MAP3K7CL: variants seen among roughly 807,000 people sequenced by gnomAD.
MAP3K7CL encodes the protein MAP3K7 C-terminal-like protein.
MAP3K7CL carries 16 observed loss-of-function variants against 18.6 expected under a neutral mutation model. The observed-to-expected ratio is 0.86, with a 90% CI of 0.58 to 1.31. The LOEUF is 1.31. Ranked by LOEUF, MAP3K7CL falls within the 50% of genes most tolerant of loss-of-function variation. MAP3K7CL has a pLI of 0.00. For synonymous variants in MAP3K7CL, 65 were observed against 66.8 expected, an observed-to-expected ratio of 0.97 and a Z score of 0.13; for missense variants, 163 against 174.4, an observed-to-expected ratio of 0.93 and a Z score of 0.37.
At chr21:29,117,332 T>C (rs1193428191) in intron 4 of MAP3K7CL, among the ~76,000 whole-genome samples, 1 of 152,220 alleles carries the variant, frequency 6.6e-6, no homozygotes, top group Non-Finnish European at 1.5e-5. Flanking sequence ...ACAATGCTAT[T>C]TCTGTATCTC....
intron 4 of MAP3K7CL, among the ~76,000 whole-genome samples, chr21:29,107,429 A>G (rs533387721): frequency 6.6e-6 from 1 of 152,302 alleles, no homozygotes; most frequent in East Asian, 1.9e-4. Context: ...GGCAGCCCAA[A>G]CAAGAGTGAT....
intron 4 of MAP3K7CL, among the ~76,000 whole-genome samples, chr21:29,161,128 G>A (rs1418651032): frequency 1.3e-5 from 2 of 152,180 alleles, no homozygotes; most frequent in Non-Finnish European, 2.9e-5. Context: ...TGGCCAACAT[G>A]GTGAAACCCT....
At chr21:29,113,119 T>C (rs577672436) in intron 4 of MAP3K7CL, among the ~76,000 whole-genome samples, 2 of 152,332 alleles carry the variant, frequency 1.3e-5, no homozygotes, top group East Asian at 3.9e-4. Context: ...CTTATTTTCT[T>C]TTCCTCTTCC....
In MAP3K7CL at chr21:29,105,240, G is replaced by A. The variant is rs376562790; in HGVS notation, c.370+12659G>A. 4.6e-5 allele frequency among the ~76,000 whole-genome samples: 7 copies of A among 152,278 alleles called. No individual in the cohort carries two copies. The East Asian group carries it at 1.2e-3, about 25-fold the overall frequency. On this transcript the variant is annotated intron_variant, in intron 4 of 6. Transcript: ENST00000286791. ...CCTGGGGAATGCTATATTGAAAAAG[G>A]CCTTGCTCTCTGATCTTTCTCAGTC... is the stretch of plus-strand genomic sequence containing the variant.
intron 3 of MAP3K7CL, among the ~76,000 whole-genome samples, chr21:29,155,201 T>C (rs2087371739): frequency 6.6e-6 from 1 of 152,180 alleles, no homozygotes; most frequent in African/African-American, 2.4e-5. Flanking sequence ...CTTGTTAATT[T>C]TAAGACATTA....
Position 29,174,858 on chromosome 21 carries a change from G to C in MAP3K7CL, c.395G>C (p.Arg132Pro). The C allele has an allele frequency of 6.2e-7, 1 of 1,614,074 alleles. No homozygotes were observed. The highest frequency in any genetic ancestry group is 8.5e-7 in the Non-Finnish European group (1 of 1,179,998). The change falls in exon 5 of 5, where the codon CGA (arginine) becomes CCA (proline). Residue 132 changes from arginine to proline, a missense_variant. By Grantham distance (103) the Arg-to-Pro change is moderately radical. Transcript: ENST00000399928. Reference sequence around the variant, plus strand: ...TGTGTGGAACAACTGGAGAAACTTCGAATACAGTATCAGAAGAGGCAGGGC... The same window carrying C: ...TGTGTGGAACAACTGGAGAAACTTCCAATACAGTATCAGAAGAGGCAGGGC... ...SQCVEQLEKL[R>P]IQYQKRQGSS
upstream of MAP3K7CL, among the ~76,000 whole-genome samples, chr21:29,081,137 ATATTT>A (rs2085828179): frequency 2.6e-5 from 4 of 152,332 alleles, no homozygotes; most frequent in South Asian, 8.3e-4. Context: ...TCTCAGGCTT[ATATTT>A]TGAGATAAAT....
chr21:29,117,200 C>T (rs2086517918), intron 4 of MAP3K7CL, among the ~76,000 whole-genome samples: 2 of 151,954 alleles, frequency 1.3e-5, no homozygotes, highest in Non-Finnish European at 2.9e-5. Context: ...ATCTCCTGTC[C>T]TTCACTAGAA....
At chr21:29,102,306 C>T (rs2086243659) in intron 4 of MAP3K7CL, among the ~76,000 whole-genome samples, 1 of 152,044 alleles carries the variant, frequency 6.6e-6, no homozygotes, top group Admixed American at 6.6e-5. Context: ...AACAAAGAGG[C>T]CGTTCTTGGA....
chr21:29,136,030 C>T (rs1276575082), intron 2 of MAP3K7CL, among the ~76,000 whole-genome samples: 2 of 152,156 alleles, frequency 1.3e-5, no homozygotes, highest in African/African-American at 2.4e-5. Context: ...ATTGAAAACA[C>T]GTGTTCTAAG....
chr21:29,157,699 C>A (rs2087441002), intron 3 of MAP3K7CL, among the ~76,000 whole-genome samples: 1 of 152,154 alleles, frequency 6.6e-6, no homozygotes, highest in African/African-American at 2.4e-5. Context: ...ATAACAACAT[C>A]TTGAATTTCC....
At chr21:29,115,742 A>G (rs1450880646) in intron 4 of MAP3K7CL, among the ~76,000 whole-genome samples, 1 of 152,250 alleles carries the variant, frequency 6.6e-6, no homozygotes, top group Non-Finnish European at 1.5e-5. Flanking sequence ...CGGCAGCAGC[A>G]TAGCATCAAA....
At chr21:29,164,478 C>T (rs755432869) in intron 4 of MAP3K7CL, among the ~76,000 whole-genome samples, 13 of 152,182 alleles carry the variant, frequency 8.5e-5, no homozygotes. Context: ...TTATTGGAGT[C>T]GTTCAGACAC....
At chr21:29,126,879 G>T (rs905029771), upstream of MAP3K7CL, among the ~76,000 whole-genome samples, 4 of 152,190 alleles carry the variant, frequency 2.6e-5, no homozygotes, top group East Asian at 7.7e-4. Context: ...ACTACCGGCC[G>T]TATATGTCAC....
intron 4 of MAP3K7CL, among the ~76,000 whole-genome samples, chr21:29,120,364 T>A (rs2086571891): frequency 6.6e-6 from 1 of 152,216 alleles, no homozygotes; most frequent in Non-Finnish European, 1.5e-5. Context: ...AGATTTAATT[T>A]TGGCAAACAA....
At chr21:29,081,363 CACGGTG>C (rs2085831437), upstream of MAP3K7CL, among the ~76,000 whole-genome samples, 1 of 152,220 alleles carries the variant, frequency 6.6e-6, no homozygotes, top group African/African-American at 2.4e-5. Context: ...TCCTGGCTAA[CACGGTG>C]AAACCCTGTC....
chr21:29,080,324 T>C (rs894071689), intron 1 of MAP3K7CL, among the ~76,000 whole-genome samples: 1 of 152,196 alleles, frequency 6.6e-6, no homozygotes. Context: ...TTAGATACTT[T>C]CATGTGAGGA....
At chr21:29,168,744 G>A (rs1204438135) in intron 4 of MAP3K7CL, among the ~76,000 whole-genome samples, 1 of 152,106 alleles carries the variant, frequency 6.6e-6, no homozygotes, top group Non-Finnish European at 1.5e-5. Context: ...TACTGCTCAA[G>A]GTCATTGCCA....
At chr21:29,157,387 T>C (rs989778081) in intron 3 of MAP3K7CL, among the ~76,000 whole-genome samples, 2 of 152,222 alleles carry the variant, frequency 1.3e-5, no homozygotes, top group Non-Finnish European at 2.9e-5. Flanking sequence ...TATTGCTCTT[T>C]AATGTTTTCA....
Sources: allele counts gnomAD v4.1 joint callset (sites outside exome capture counted in the v4.1 genomes callset), GRCh38; gene constraint gnomAD v4.1.1; transcripts MANE v1.5; gene names NCBI Gene and HGNC (gene_info 2026-07-23, HGNC 2026-07-21).